IGSF21: variants seen among roughly 807,000 people sequenced by gnomAD.
IGSF21 encodes the protein immunoglobulin superfamily member 21.
A neutral mutation model predicts 46.8 loss-of-function variants in IGSF21; 28 were observed. That is an observed-to-expected ratio of 0.60 (90% confidence interval 0.44 to 0.82). The LOEUF (loss-of-function observed/expected upper bound fraction) is 0.82, where lower values mean the gene tolerates loss of function less well. Among genes scored for constraint, IGSF21 ranks in the 40% least tolerant of loss-of-function variants. IGSF21 has a pLI of 0.00. For synonymous variants in IGSF21, 284 were observed against 273.6 expected, an observed-to-expected ratio of 1.04 and a Z score of -0.38; for missense variants, 624 against 665.5, an observed-to-expected ratio of 0.94 and a Z score of 0.69.
At chr1:18,304,294 A>G (rs938271802) in intron 3 of IGSF21, among the ~76,000 whole-genome samples, 1 of 152,196 alleles carries the variant, frequency 6.6e-6, no homozygotes, top group Non-Finnish European at 1.5e-5. Flanking sequence ...TAGATGCCTG[A>G]GCACAGCCAG....
At chr1:18,321,149 A>T (rs1459618154) in intron 3 of IGSF21, among the ~76,000 whole-genome samples, 4 of 152,196 alleles carry the variant, frequency 2.6e-5, no homozygotes, top group Admixed American at 2.6e-4. Flanking sequence ...CATATGATGC[A>T]TTCTTGCTGG....
chr1:18,219,637 G>A (rs1259720075), intron 1 of IGSF21, among the ~76,000 whole-genome samples: 1 of 152,152 alleles, frequency 6.6e-6, no homozygotes, highest in East Asian at 1.9e-4. Flanking sequence ...AAAAGAGGAG[G>A]TTCCAAGAAG....
chr1:18,241,914 G>A (rs1242225868), intron 2 of IGSF21, among the ~76,000 whole-genome samples: 1 of 152,194 alleles, frequency 6.6e-6, no homozygotes, highest in East Asian at 1.9e-4. Context: ...TCCCCTTAGA[G>A]CAGCCCAGCC....
At chr1:18,348,143 T>A (rs2085913862) in intron 4 of IGSF21, among the ~76,000 whole-genome samples, 1 of 152,150 alleles carries the variant, frequency 6.6e-6, no homozygotes, top group African/African-American at 2.4e-5. Context: ...CCCAGAGAGG[T>A]TAAGTAACTT....
intron 2 of IGSF21, among the ~76,000 whole-genome samples, chr1:18,264,661 A>C (rs1269884813): frequency 3.3e-5 from 5 of 152,210 alleles, no homozygotes; most frequent in Non-Finnish European, 7.3e-5. Context: ...TACAGGAGCT[A>C]TGTCTGCCCC....
At chr1:18,203,158 C>A (rs980204107) in intron 1 of IGSF21, among the ~76,000 whole-genome samples, 7 of 152,198 alleles carry the variant, frequency 4.6e-5, no homozygotes, top group Non-Finnish European at 1.0e-4. Flanking sequence ...TTTACTGAAA[C>A]CTCATGGTCC....
chr1:18,158,292 G>C (rs1197233474), intron 1 of IGSF21, among the ~76,000 whole-genome samples: 2 of 152,180 alleles, frequency 1.3e-5, no homozygotes, highest in Non-Finnish European at 2.9e-5. Context: ...CTAAACCACA[G>C]TGCACCCTCG....
chr1:18,180,523 G>A (rs952816576), intron 1 of IGSF21, among the ~76,000 whole-genome samples: 1 of 152,170 alleles, frequency 6.6e-6, no homozygotes, highest in African/African-American at 2.4e-5. Flanking sequence ...AAAACAAAGT[G>A]TAGACAGGTC....
chr1:18,230,596 C>T (rs1044240188), intron 2 of IGSF21, among the ~76,000 whole-genome samples: 8 of 151,994 alleles, frequency 5.3e-5, no homozygotes, highest in Non-Finnish European at 7.4e-5. Context: ...AGGGAGCCCA[C>T]GTGCCCGCCT....
At chr1:18,244,539 T>C (rs573569677) in intron 2 of IGSF21, among the ~76,000 whole-genome samples, 1 of 152,334 alleles carries the variant, frequency 6.6e-6, no homozygotes, top group Admixed American at 6.5e-5. Flanking sequence ...CTTGCACAAG[T>C]CCAGCTGCAT....
intron 2 of IGSF21, among the ~76,000 whole-genome samples, chr1:18,273,171 G>A (rs2124547271): frequency 6.6e-6 from 1 of 150,754 alleles, no homozygotes; most frequent in African/African-American, 2.4e-5. Context: ...TCAGACAGTA[G>A]CTGGGATTAC....
chr1:18,205,115 G>C (rs2087112764), intron 1 of IGSF21, among the ~76,000 whole-genome samples: 1 of 151,266 alleles, frequency 6.6e-6, no homozygotes, highest in Non-Finnish European at 1.5e-5. Context: ...AGAGAGGAAT[G>C]GGGGAGAGAA....
intron 1 of IGSF21, among the ~76,000 whole-genome samples, chr1:18,182,141 T>C (rs12727610): frequency 0.053 from 7,906 of 150,108 alleles, 222 homozygotes; most frequent in African/African-American, 0.058. Flanking sequence ...CACCACAAAG[T>C]GGAAAGTCTT....
At chr1:18,359,486 AG>A (rs879901103) in intron 4 of IGSF21, among the ~76,000 whole-genome samples, 8,506 of 147,062 alleles carry the variant, frequency 0.058, 464 homozygotes, top group Middle Eastern at 0.11. Flanking sequence ...GAAGGAAGGA[AG>A]GAAGGAAGGA....
chr1:18,174,192 TC>T (rs2086772164), intron 1 of IGSF21, among the ~76,000 whole-genome samples: 1 of 152,188 alleles, frequency 6.6e-6, no homozygotes, highest in Admixed American at 6.5e-5. Flanking sequence ...TGTACTGCTT[TC>T]CAACAGCCAT....
chr1:18,160,098 C>T (rs377616474), intron 1 of IGSF21, among the ~76,000 whole-genome samples: 18 of 152,174 alleles, frequency 1.2e-4, no homozygotes, highest in African/African-American at 4.1e-4. Context: ...TCTGGATCCC[C>T]TAGGATGGGC....
Position 18,322,368 on chromosome 1 carries a change from C to A in IGSF21, c.306-12524C>A, listed in dbSNP as rs897129060. Among the ~76,000 whole-genome samples, 2 of 152,110 alleles carry A rather than the reference C, an allele frequency of 1.3e-5. No individual in the cohort carries two copies. Among genetic ancestry groups the A allele is most frequent in the Non-Finnish European group, 2.9e-5 (2 of 68,038 alleles). On this transcript the variant is annotated intron_variant, in intron 3 of 9. Coordinates refer to ENST00000251296, the MANE Select transcript of IGSF21 (RefSeq NM_032880.5). This position sits in a 1 kb window ranked among gnomAD's most constrained non-coding sequence, Gnocchi z 4.3. ...GCCACCTTCCACGCCCGTCTTCCCT[C>A]TTCTGGTGGAGGCAGGCTTGGTTCC... is the stretch of plus-strand genomic sequence containing the variant.
At chr1:18,333,921 T>C (rs1225336834) in intron 3 of IGSF21, among the ~76,000 whole-genome samples, 1 of 152,222 alleles carries the variant, frequency 6.6e-6, no homozygotes, top group Non-Finnish European at 1.5e-5. Flanking sequence ...GGATATTGTA[T>C]GGCAAATGAA....
chr1:18,257,963 C>A (rs930519729), intron 2 of IGSF21, among the ~76,000 whole-genome samples: 1 of 152,178 alleles, frequency 6.6e-6, no homozygotes, highest in Non-Finnish European at 1.5e-5. Flanking sequence ...TGATGCTCTT[C>A]ATTGAGCTGA....
Sources: gnomAD v4.1 joint callset for allele counts (sites outside exome capture counted in the v4.1 genomes callset) on GRCh38, gnomAD v4.1.1 for gene constraint, Gnocchi (gnomAD v3.1) non-coding constraint, MANE v1.5 for transcripts, NCBI Gene and HGNC (gene_info 2026-07-23, HGNC 2026-07-21) for gene names.